The following CDYL variants were observed in gnomAD, a reference collection of about 807,000 sequenced individuals.
CDYL encodes the protein chromodomain Y-like protein.
A neutral mutation model predicts 47.3 loss-of-function variants in CDYL; 8 were observed. That is an observed-to-expected ratio of 0.17 (90% CI 0.10 to 0.31). The LOEUF (loss-of-function observed/expected upper bound fraction) is 0.31, where lower values mean the gene tolerates loss of function less well. Among genes scored for constraint, CDYL ranks in the 10% least tolerant of loss-of-function variants. The pLI, the probability that CDYL is intolerant of heterozygous loss-of-function variation, is 1.00. For synonymous variants in CDYL, 266 were observed against 265.0 expected (o/e 1.00, Z -0.04); for missense variants, 471 against 701.4 (o/e 0.67, Z 3.71).
intron 1 of CDYL, among the ~76,000 whole-genome samples, chr6:4,870,326 A>G (rs948946104): frequency 2.6e-5 from 4 of 152,308 alleles, no homozygotes; most frequent in African/African-American, 9.6e-5. Context: ...TATGTCATTC[A>G]TTCTGCTTTC....
intron 1 of CDYL, among the ~76,000 whole-genome samples, chr6:4,706,933 A>G (rs1757057027): frequency 1.3e-5 from 2 of 152,194 alleles, no homozygotes; most frequent in South Asian, 4.1e-4. Context: ...GCTTTTGTGG[A>G]AGGAACAGAA....
chr6:4,819,118 C>G (rs1383374021), intron 1 of CDYL, among the ~76,000 whole-genome samples: 2 of 81,694 alleles, frequency 2.4e-5, no homozygotes, highest in African/African-American at 1.4e-4. Context: ...TAGGTTCGTT[C>G]TCTCTCTCTC....
At chr6:4,925,415 T>C (rs909541514) in intron 2 of CDYL, among the ~76,000 whole-genome samples, 11 of 143,936 alleles carry the variant, frequency 7.6e-5, no homozygotes, top group African/African-American at 2.8e-4. Flanking sequence ...TTTTCTTTTT[T>C]TTTTTTTTTT....
At chr6:4,725,452 C>T (rs1006407503) in intron 2 of CDYL, among the ~76,000 whole-genome samples, 5 of 152,238 alleles carry the variant, frequency 3.3e-5, no homozygotes, top group East Asian at 1.9e-4. Flanking sequence ...GCATGGCGGG[C>T]TGCAGGTCCC....
intron 1 of CDYL, among the ~76,000 whole-genome samples, chr6:4,848,644 T>C (rs1186005128): frequency 6.6e-6 from 1 of 152,246 alleles, no homozygotes; most frequent in Admixed American, 6.5e-5. Context: ...GAGGAATTCT[T>C]CCTAGGGAGT....
intron 1 of CDYL, among the ~76,000 whole-genome samples, chr6:4,804,599 G>C (rs1228548466): frequency 6.6e-6 from 1 of 152,160 alleles, no homozygotes; most frequent in African/African-American, 2.4e-5. Context: ...CATCACTCTC[G>C]CCCCACTGCT....
chr6:4,709,942 C>T (rs993910848), intron 1 of CDYL, among the ~76,000 whole-genome samples: 2 of 152,032 alleles, frequency 1.3e-5, no homozygotes, highest in African/African-American at 4.8e-5. Flanking sequence ...TCTCTTTGGC[C>T]AGGCACGGTG....
At chr6:4,860,634 A>C (rs923182592) in intron 1 of CDYL, among the ~76,000 whole-genome samples, 2 of 147,650 alleles carry the variant, frequency 1.4e-5, no homozygotes, top group Non-Finnish European at 3.0e-5. Context: ...TATTATGTAT[A>C]TTATATAATA....
chr6:4,751,442 A>C (rs1359884307), intron 3 of CDYL, among the ~76,000 whole-genome samples: 1 of 152,212 alleles, frequency 6.6e-6, no homozygotes, highest in East Asian at 1.9e-4. Context: ...AAAAGTGTGA[A>C]ATTTATTTAA....
chr6:4,709,035 T>C (rs1349287125), intron 1 of CDYL, among the ~76,000 whole-genome samples: 3 of 152,086 alleles, frequency 2.0e-5, no homozygotes, highest in African/African-American at 7.2e-5. Context: ...TAAAATAAAA[T>C]ATTGTTAACT....
At chr6:4,826,869 C>T (rs1405723162) in intron 1 of CDYL, among the ~76,000 whole-genome samples, 1 of 152,160 alleles carries the variant, frequency 6.6e-6, no homozygotes, top group Non-Finnish European at 1.5e-5. Flanking sequence ...CTGTTTTGAT[C>T]TTCTAGATAA....
chr6:4,785,939 G>C (rs908121965), intron 1 of CDYL, among the ~76,000 whole-genome samples: 1 of 152,254 alleles, frequency 6.6e-6, no homozygotes, highest in Non-Finnish European at 1.5e-5. Context: ...GGCCAGTCCT[G>C]CGCCCCTTAG....
chr6:4,716,593 A>ATTTTTTTTTTTTTTTTTTTT (rs35154777), intron 2 of CDYL, among the ~76,000 whole-genome samples: 2 of 120,004 alleles, frequency 1.7e-5, no homozygotes, highest in Non-Finnish European at 1.7e-5. Context: ...GGCAGCAATA[A>ATTTTTTTTTTTTTTTTTTTT]TTTTTTTTTT....
At chr6:4,950,892 A>G (rs376648359) in intron 5 of CDYL, among the ~76,000 whole-genome samples, 1 of 148,152 alleles carries the variant, frequency 6.7e-6, no homozygotes, top group Admixed American at 7.0e-5. Context: ...ATATTGCACC[A>G]CTGCACTCCA....
At chr6:4,914,491 C>G (rs188577881) in intron 2 of CDYL, among the ~76,000 whole-genome samples, 1 of 152,148 alleles carries the variant, frequency 6.6e-6, no homozygotes, top group African/African-American at 2.4e-5. Flanking sequence ...TGTGTTCTGC[C>G]GCAGTTGAGA....
Position 4,891,810 on chromosome 6 carries a change from C to A in CDYL, c.122C>A (p.Pro41Gln). Residue 41 changes from proline to glutamine, a missense_variant, in exon 2 of 7, where the codon CCG (proline) becomes CAG (glutamine). By Grantham distance (76) the Pro-to-Gln change is moderately conservative. This residue lies in a region of CDYL where 311 missense variants were observed against 350.0 expected (regional missense o/e 0.89). Coordinates refer to ENST00000397588, the MANE Select transcript of CDYL (RefSeq NM_004824.4). ...GACAGCGAGGACGACACTTGGGAGC[C>A]GGAACAGCACCTCGTGAACTGTGAG... Reference protein sequence around the residue: ...GYDSEDDTWEPEQHLVNCEEY... With the variant: ...GYDSEDDTWEQEQHLVNCEEY... 6.2e-7 allele frequency: 1 copy of A among 1,614,100 alleles called. No homozygotes were observed. Among genetic ancestry groups the A allele is most frequent in the Non-Finnish European group, 8.5e-7 (1 of 1,180,022 alleles).
Position 4,889,313 on chromosome 6 carries a change from C to G in CDYL, c.25-2400C>G, listed in dbSNP as rs141876823. ...GATCTTGGCTCACCGCAACCTCCAC[C>G]TCCTGGTTCAAGCAATTCTCCTGCT... On this transcript the variant is annotated intron_variant, in intron 1 of 6. Coordinates refer to ENST00000397588, the MANE Select transcript of CDYL (RefSeq NM_004824.4). 1.8e-4 allele frequency among the ~76,000 whole-genome samples: 27 copies of G among 152,122 alleles called. No individual in the cohort carries two copies. The East Asian group carries it at 4.8e-3, about 27-fold the overall frequency.
intron 2 of CDYL, among the ~76,000 whole-genome samples, chr6:4,734,553 C>A (rs150613467): frequency 6.6e-6 from 1 of 152,142 alleles, no homozygotes; most frequent in South Asian, 2.1e-4. Context: ...CTCTTCATCC[C>A]GCTGGGACGG....
At chr6:4,728,149 C>T (rs1197173492) in intron 2 of CDYL, among the ~76,000 whole-genome samples, 4 of 152,192 alleles carry the variant, frequency 2.6e-5, no homozygotes, top group South Asian at 2.1e-4. Flanking sequence ...GTTATCACTC[C>T]GCTCCCATGA....
Sources: gnomAD v4.1 joint callset for allele counts (sites outside exome capture counted in the v4.1 genomes callset) on GRCh38, gnomAD v4.1.1 for gene constraint, gnomAD v4.1.1 regional missense constraint, MANE v1.5 for transcripts, NCBI Gene and HGNC (gene_info 2026-07-23, HGNC 2026-07-21) for gene names.